SOS1: variants seen among roughly 807,000 people sequenced by gnomAD.
The protein encoded by SOS1 is SOS Ras/Rac guanine nucleotide exchange factor 1, also known as son of sevenless homolog 1.
Under a neutral mutation model 157.6 loss-of-function variants are expected in SOS1, and 25 were observed. That is an observed-to-expected ratio of 0.16 (90% CI 0.12 to 0.22). The LOEUF (loss-of-function observed/expected upper bound fraction) is 0.22. Ranked by LOEUF, SOS1 falls within the 10% of genes least tolerant of loss-of-function variation. The probability of loss-of-function intolerance (pLI) is 1.00; values close to 1 mark genes in which losing one functional copy is unlikely to be tolerated. For missense variants in SOS1, 1,237 were observed against 1,599.1 expected (o/e 0.77, Z 3.86); for synonymous variants, 528 against 534.0 (o/e 0.99, Z 0.16).
chr2:39,037,761 C>G (rs1670407831), intron 6 of SOS1, among the ~76,000 whole-genome samples: 2 of 152,080 alleles, frequency 1.3e-5, no homozygotes, highest in South Asian at 4.2e-4. Context: ...AGCCAGTGTT[C>G]ACTTACCATT....
At chr2:39,047,722 G>A (rs1425497986) in intron 6 of SOS1, among the ~76,000 whole-genome samples, 1 of 152,232 alleles carries the variant, frequency 6.6e-6, no homozygotes, top group Non-Finnish European at 1.5e-5. Flanking sequence ...CCAGGCTGGA[G>A]TACAGTGGTG....
In SOS1 at chr2:38,983,509, T is replaced by C. The variant is rs1001594861; in HGVS notation, c.*2315A>G. 2.6e-5 allele frequency: 4 copies of C among 152,108 alleles called. No homozygotes were observed. The South Asian group carries it at 6.2e-4, about 24-fold the overall frequency. 9.4% of individuals were successfully genotyped at this position (152,108 alleles called of 1,614,324 possible). On this transcript the variant is annotated 3_prime_UTR_variant, in exon 23 of 23. Transcript: ENST00000402219. ...GAAGAATAGTTCCCTTTGGGAGAAA[T>C]AGGATTAGAACTCCAAATCTGAATT...
intron 1 of SOS1, among the ~76,000 whole-genome samples, chr2:39,093,639 A>G (rs1397150567): frequency 6.6e-6 from 1 of 152,260 alleles, no homozygotes; most frequent in Non-Finnish European, 1.5e-5. Context: ...GATTGTTTAG[A>G]GGAGCAAACA....
intron 1 of SOS1, 51 bp downstream of exon 1, chr2:39,120,285 G>A: frequency 1.3e-6 from 2 of 1,499,286 alleles, no homozygotes; most frequent in South Asian, 1.2e-5. Context: ...CTTCCCCAGC[G>A]CCCGCGCTGG....
chr2:38,981,903 C>T lies in SOS1; in HGVS notation c.*3921G>A, dbSNP rs1304681104. 1 of 152,128 alleles carries T rather than the reference C, an allele frequency of 6.6e-6. No homozygotes were observed. Among genetic ancestry groups the T allele is most frequent in the African/African-American group, 2.4e-5 (1 of 41,422 alleles). 9.4% of individuals were successfully genotyped at this position (152,128 alleles called of 1,614,324 possible). A position where few individuals can be genotyped will look rare whatever the true frequency, so the allele number is the denominator to read the frequency against. ...GGTGGTTTCACCAGATATTTGCACC[C>T]CAAAGTTCCCTGCCCAAATCCCGAC... On this transcript the variant is annotated 3_prime_UTR_variant, in exon 23 of 23. Coordinates refer to ENST00000402219, the MANE Select transcript of SOS1 (RefSeq NM_005633.4).
rs113009104 is a variant in SOS1 at position 39,028,747 on chromosome 2, T to C, written c.1075-4610A>G. On this transcript the variant is annotated intron_variant, in intron 8 of 22. Transcript: ENST00000402219. ...AAAGTATACACCCAAGAAATATACATTGTAATTGTCTAACATTTGGGATAT... is the reference window on the plus strand; with the variant it reads ...AAAGTATACACCCAAGAAATATACACTGTAATTGTCTAACATTTGGGATAT... 6.5e-3 allele frequency among the ~76,000 whole-genome samples: 993 copies of C among 152,344 alleles called. 12 individuals carry two copies. The highest frequency in any genetic ancestry group is 0.023 in the African/African-American group (946 of 41,576).
intron 1 of SOS1, among the ~76,000 whole-genome samples, chr2:39,074,320 A>C (rs1671890250): frequency 6.7e-6 from 1 of 149,668 alleles, no homozygotes; most frequent in African/African-American, 2.5e-5. Flanking sequence ...ACTGCACTCC[A>C]GTCTGGGTGA....
At chr2:39,029,059 A>C (rs1670069804) in intron 8 of SOS1, among the ~76,000 whole-genome samples, 1 of 152,196 alleles carries the variant, frequency 6.6e-6, no homozygotes, top group Non-Finnish European at 1.5e-5. Flanking sequence ...ACATCATTTT[A>C]AACATTCCAC....
intron 20 of SOS1, among the ~76,000 whole-genome samples, chr2:38,990,906 TTAGA>T (rs1668713196): frequency 6.6e-6 from 1 of 152,134 alleles, no homozygotes; most frequent in Non-Finnish European, 1.5e-5. Flanking sequence ...TTCTTGTCAG[TTAGA>T]TACTGAGTAA....
Position 39,058,821 on chromosome 2 carries a change from A to C in SOS1, c.214-17T>G. 1 of 1,605,056 alleles carries C rather than the reference A, an allele frequency of 6.2e-7. No homozygotes were observed. The highest frequency in any genetic ancestry group is 2.2e-5 in the East Asian group (1 of 44,652). On this transcript the variant is annotated splice_polypyrimidine_tract_variant and intron_variant, in intron 2 of 22. Coordinates refer to ENST00000402219, the MANE Select transcript of SOS1 (RefSeq NM_005633.4). Reference sequence around the variant, plus strand: ...AACACGTTCCTTGGAAAATAGGAAAATAACAACTAAGCAAAAAATATATTA... The same window carrying C: ...AACACGTTCCTTGGAAAATAGGAAACTAACAACTAAGCAAAAAATATATTA...
Position 39,054,791 on chromosome 2 carries a change from T to C in SOS1, c.543A>G (p.Glu181=), listed in dbSNP as rs201068374. 1.2e-5 allele frequency: 19 copies of C among 1,547,068 alleles called. No individual in the cohort carries two copies. In the East Asian group the frequency reaches 3.8e-4, roughly 31 times the overall value. ...VLMDMFHQDV[E]DINILSLTDE... ...CAGTTAAAGATAATATATTAATATC[T>C]TCTACATCTTGATGAAACATATCCA... is the stretch of plus-strand genomic sequence containing the variant. Residue 181 remains glutamate, a synonymous_variant, in exon 5 of 23, where the codon GAA becomes GAG. Transcript: ENST00000402219.
chr2:39,005,487 GATT>G lies in SOS1; in HGVS notation c.2791+922_2791+924del, dbSNP rs546572003. ...TTATGCAGCCATTATAAATAATTAA[GATT>G]ATTTAATAAAATACAAAAATATAAG... On this transcript the variant is annotated intron_variant, in intron 17 of 22. Coordinates refer to ENST00000402219, the MANE Select transcript of SOS1 (RefSeq NM_005633.4). Among the ~76,000 whole-genome samples, 628 of 152,058 alleles carry G rather than the reference GATT, an allele frequency of 4.1e-3. 8 individuals are homozygous for G. Among genetic ancestry groups the G allele is most frequent in the African/African-American group, 0.014 (593 of 41,512 alleles).
intron 1 of SOS1, among the ~76,000 whole-genome samples, chr2:39,107,871 A>C (rs1292292321): frequency 6.6e-6 from 1 of 152,150 alleles, no homozygotes; most frequent in Non-Finnish European, 1.5e-5. Flanking sequence ...AATGTACTTT[A>C]GAGCCATCCT....
chr2:39,063,900 ACAGCTTACTGCAACCT>A (rs1671498312), intron 2 of SOS1, among the ~76,000 whole-genome samples: 1 of 151,854 alleles, frequency 6.6e-6, no homozygotes, highest in Admixed American at 6.6e-5. Context: ...TGGCGCGATC[ACAGCTTACTGCAACCT>A]CAACCTCCTG....
rs1477822630 is a variant in SOS1 at position 39,034,772 on chromosome 2, C to T, written c.1074+440G>A. 1.8e-5 allele frequency: 8 copies of T among 455,354 alleles called. 1 individual carries two copies. In the Admixed American group the frequency reaches 1.9e-4, roughly 11 times the overall value. 28.2% of individuals were successfully genotyped at this position (455,354 alleles called of 1,614,324 possible). On this transcript the variant is annotated intron_variant, in intron 8 of 22. Transcript: ENST00000402219. ...AGCTATGAAAGTCAGGTAAACTAAC[C>T]TTCCCCATTACTTTGGCCTTATCCT...
intron 3 of SOS1, among the ~76,000 whole-genome samples, chr2:39,057,973 G>A (rs1671269145): frequency 6.6e-6 from 1 of 152,010 alleles, no homozygotes; most frequent in Non-Finnish European, 1.5e-5. Flanking sequence ...TTTACAAACT[G>A]TGGATAATAA....
At chr2:39,099,182 T>C (rs913429724) in intron 1 of SOS1, among the ~76,000 whole-genome samples, 5 of 152,204 alleles carry the variant, frequency 3.3e-5, no homozygotes, top group East Asian at 1.9e-4. Context: ...TAATAGCCAA[T>C]AGGTAGAAAC....
chr2:39,010,427 C>T (rs1669428263), intron 15 of SOS1, among the ~76,000 whole-genome samples, 157 bp downstream of exon 15: 1 of 151,668 alleles, frequency 6.6e-6, no homozygotes, highest in African/African-American at 2.4e-5. Flanking sequence ...ATCGCTTGAG[C>T]CTGGGAGGTG....
intron 19 of SOS1, among the ~76,000 whole-genome samples, chr2:38,995,978 C>G (rs1668877065): frequency 6.6e-6 from 1 of 152,094 alleles, no homozygotes; most frequent in Non-Finnish European, 1.5e-5. Context: ...AAAAACTGAA[C>G]AAGGGCTTGA....
Sources: gnomAD v4.1 joint callset for allele counts (sites outside exome capture counted in the v4.1 genomes callset) on GRCh38, gnomAD v4.1.1 for gene constraint, MANE v1.5 for transcripts, NCBI Gene and HGNC (gene_info 2026-07-23, HGNC 2026-07-21) for gene names.